B3GALT5: variants seen among roughly 807,000 people sequenced by gnomAD.
B3GALT5 encodes the protein UDP-Gal:betaGlcNAc beta 1,3-galactosyltransferase, polypeptide 5.
For missense variants in B3GALT5, 328 were observed against 396.6 expected, an observed-to-expected ratio of 0.83 and a Z score of 1.47; for synonymous variants, 156 against 158.6, an observed-to-expected ratio of 0.98 and a Z score of 0.12.
intron 1 of B3GALT5, among the ~76,000 whole-genome samples, chr21:39,631,775 G>A (rs965288251): frequency 6.6e-6 from 1 of 152,162 alleles, no homozygotes; most frequent in Non-Finnish European, 1.5e-5. Flanking sequence ...CTAGAATACG[G>A]CAGAGCTATA....
intron 2 of B3GALT5, among the ~76,000 whole-genome samples, chr21:39,656,776 C>T (rs536799523): frequency 3.0e-4 from 45 of 152,346 alleles, no homozygotes; most frequent in African/African-American, 1.0e-3. Context: ...CTGCACGTGC[C>T]TGTGCGGGTA....
chr21:39,620,806 C>A (rs1450799610), intron 1 of B3GALT5, among the ~76,000 whole-genome samples: 1 of 151,858 alleles, frequency 6.6e-6, no homozygotes, highest in African/African-American at 2.4e-5. Flanking sequence ...GTGTTAAGAC[C>A]CCGAGATTTT....
intron 1 of B3GALT5, among the ~76,000 whole-genome samples, chr21:39,623,368 A>C (rs2079148092): frequency 6.6e-6 from 1 of 150,878 alleles, no homozygotes; most frequent in Non-Finnish European, 1.5e-5. Flanking sequence ...TTTTATGGGC[A>C]TAAATTAGTT....
At chr21:39,624,504 T>C (rs114999016) in intron 1 of B3GALT5, among the ~76,000 whole-genome samples, 2,874 of 152,306 alleles carry the variant, frequency 0.019, 104 homozygotes, top group African/African-American at 0.066. Flanking sequence ...GTAGGGAGTC[T>C]GGCATAATTC....
intron 1 of B3GALT5, among the ~76,000 whole-genome samples, chr21:39,639,034 A>T (rs2079251307): frequency 6.6e-6 from 1 of 152,170 alleles, no homozygotes; most frequent in South Asian, 2.1e-4. Flanking sequence ...CTAATGGGAC[A>T]TTGGGCTGGG....
chr21:39,614,830 G>A (rs565658871), intron 1 of B3GALT5, among the ~76,000 whole-genome samples: 7 of 152,272 alleles, frequency 4.6e-5, no homozygotes, highest in Admixed American at 1.3e-4. Context: ...TTAACTGGGC[G>A]TCTGATCAGA....
intron 3 of B3GALT5, among the ~76,000 whole-genome samples, 194 bp from the exon 4 acceptor site, chr21:39,660,366 A>G (rs569037080): frequency 6.6e-6 from 1 of 152,312 alleles, no homozygotes; most frequent in South Asian, 2.1e-4. Context: ...ATCTTACACC[A>G]TGAAGTGACA....
At chr21:39,626,527 C>T (rs1356617350) in intron 1 of B3GALT5, among the ~76,000 whole-genome samples, 3 of 152,054 alleles carry the variant, frequency 2.0e-5, no homozygotes, top group Admixed American at 1.3e-4. Context: ...ACTGGCTGCA[C>T]CATTTTATAT....
rs540650547 is a variant in B3GALT5, at chr21:39,652,136, GC to G, written c.-161+5521del. ...GGTCATTGTCCTTGTAGCAGCAGGT[GC>G]CCCCCCAAGCTGGGTTCTCACTGCA... On this transcript the variant is annotated intron_variant, in intron 2 of 3. Coordinates refer to ENST00000684187, the MANE Select transcript of B3GALT5 (RefSeq NM_001356336.2). Among the ~76,000 whole-genome samples the G allele has an allele frequency of 3.4e-3, 513 of 152,136 alleles. 2 individuals are homozygous for G. Among genetic ancestry groups the G allele is most frequent in the African/African-American group, 0.012 (485 of 41,498 alleles).
At chr21:39,624,291 G>T (rs1253911828) in intron 1 of B3GALT5, among the ~76,000 whole-genome samples, 2 of 152,150 alleles carry the variant, frequency 1.3e-5, no homozygotes, top group Non-Finnish European at 2.9e-5. Context: ...CACTTTCAAG[G>T]AGTATTCCAA....
At chr21:39,620,186 G>A (rs2079127177) in intron 1 of B3GALT5, among the ~76,000 whole-genome samples, 1 of 152,076 alleles carries the variant, frequency 6.6e-6, no homozygotes, top group Admixed American at 6.5e-5. Context: ...TCCTTTTTCT[G>A]GTCCAGGATC....
At chr21:39,617,206 A>G (rs56208155) in intron 1 of B3GALT5, among the ~76,000 whole-genome samples, 19,913 of 152,206 alleles carry the variant, frequency 0.13, 1,648 homozygotes, top group East Asian at 0.33. Flanking sequence ...ATTGACTTCA[A>G]TATTTCAAGC....
chr21:39,643,384 C>T (rs2079307572), intron 1 of B3GALT5, among the ~76,000 whole-genome samples: 1 of 150,362 alleles, frequency 6.7e-6, no homozygotes, highest in Non-Finnish European at 1.5e-5. Context: ...CGCCACTGCA[C>T]TCCAGCCTGG....
intron 1 of B3GALT5, among the ~76,000 whole-genome samples, chr21:39,627,754 G>A (rs2079171867): frequency 6.6e-6 from 1 of 152,180 alleles, no homozygotes; most frequent in Non-Finnish European, 1.5e-5. Context: ...AGCATAAGGT[G>A]GAGAGGTGCT....
rs531593374 is a variant in B3GALT5 at position 39,659,087 on chromosome 21, A to G, written c.-160-666A>G. Among the ~76,000 whole-genome samples, 6 of 152,232 alleles carry G rather than the reference A, an allele frequency of 3.9e-5. No homozygotes were observed. In the East Asian group the frequency reaches 9.7e-4, roughly 25 times the overall value. On this transcript the variant is annotated intron_variant, in intron 2 of 3. Coordinates refer to ENST00000684187, the MANE Select transcript of B3GALT5 (RefSeq NM_001356336.2). Reference sequence around the variant, plus strand: ...GAAACCCCATCTCTACAAAAAATACAAAGTTAGAAGAGTATGGTGGCATGC... The same window carrying G: ...GAAACCCCATCTCTACAAAAAATACGAAGTTAGAAGAGTATGGTGGCATGC...
At chr21:39,639,464 CTCTCTCTCTCTCT>C (rs1273072052) in intron 1 of B3GALT5, among the ~76,000 whole-genome samples, 3 of 107,946 alleles carry the variant, frequency 2.8e-5, no homozygotes, top group African/African-American at 3.7e-5. Context: ...TTTTTTCTTT[CTCTCTCTCTCTCT>C]CTTTCTTTCT....
chr21:39,641,746 TC>T (rs1431371233), intron 1 of B3GALT5, among the ~76,000 whole-genome samples: 49 of 152,334 alleles, frequency 3.2e-4, no homozygotes, highest in African/African-American at 1.2e-3. Flanking sequence ...TTCTTCATAT[TC>T]CATCATATAA....
intron 1 of B3GALT5, among the ~76,000 whole-genome samples, chr21:39,641,170 G>A (rs558964321): frequency 5.3e-5 from 8 of 152,148 alleles, no homozygotes; most frequent in South Asian, 2.1e-4. Context: ...AAGAAAGTTC[G>A]GGATATTAGC....
intron 1 of B3GALT5, among the ~76,000 whole-genome samples, chr21:39,622,988 A>G (rs1450814114): frequency 6.6e-6 from 1 of 152,144 alleles, no homozygotes; most frequent in African/African-American, 2.4e-5. Flanking sequence ...CCTCAGCACA[A>G]TTTAACTAAC....
Sources: gnomAD v4.1 joint callset for allele counts (sites outside exome capture counted in the v4.1 genomes callset) on GRCh38, gnomAD v4.1.1 for gene constraint, MANE v1.5 for transcripts, NCBI Gene and HGNC (gene_info 2026-07-23, HGNC 2026-07-21) for gene names.